Variants in SMG6 observed in about 807,000 individuals in gnomAD.
SMG6 encodes SMG6 nonsense mediated mRNA decay factor.
A neutral mutation model predicts 142.2 loss-of-function variants in SMG6; 66 were observed. That is an observed-to-expected ratio of 0.46 (90% confidence interval 0.38 to 0.57). The LOEUF (loss-of-function observed/expected upper bound fraction) is 0.57, where lower values mean the gene tolerates loss of function less well. Ranked by LOEUF, SMG6 falls within the 20% of genes least tolerant of loss-of-function variation. The pLI, the probability that SMG6 is intolerant of heterozygous loss-of-function variation, is 0.00. For missense variants in SMG6, 1,793 were observed against 1,832.0 expected, an observed-to-expected ratio of 0.98 and a Z score of 0.39; for synonymous variants, 779 against 702.4, an observed-to-expected ratio of 1.11 and a Z score of -1.72.
chr17:2,234,652 T>A (rs904206092), intron 10 of SMG6, among the ~76,000 whole-genome samples: 1 of 152,150 alleles, frequency 6.6e-6, no homozygotes, highest in Non-Finnish European at 1.5e-5. Flanking sequence ...TTCCTTTCCA[T>A]GGAATAGAAG....
At chr17:2,285,229 T>A (rs1213897938) in intron 6 of SMG6, among the ~76,000 whole-genome samples, 1 of 152,220 alleles carries the variant, frequency 6.6e-6, no homozygotes, top group African/African-American at 2.4e-5. Context: ...GTACACGTGT[T>A]GTGTTCTCAA....
intron 8 of SMG6, among the ~76,000 whole-genome samples, chr17:2,267,248 A>G (rs2074440421): frequency 6.6e-6 from 1 of 152,196 alleles, no homozygotes; most frequent in African/African-American, 2.4e-5. Context: ...TCTGTAACCC[A>G]GGCTGGAGTG....
chr17:2,290,275 A>C (rs1490636686), intron 6 of SMG6, among the ~76,000 whole-genome samples: 1 of 152,224 alleles, frequency 6.6e-6, no homozygotes, highest in Non-Finnish European at 1.5e-5. Context: ...AGAACAGAGA[A>C]ATAGATGAAC....
intron 13 of SMG6, chr17:2,088,197 T>C (rs374102742): frequency 1.0e-5 from 10 of 985,288 alleles, no homozygotes; most frequent in Non-Finnish European, 1.1e-5. Context: ...GGAGTGTTGC[T>C]GCTGCTAGAG....
At chr17:2,067,979 C>T (rs751822642) in intron 16 of SMG6, among the ~76,000 whole-genome samples, 4 of 152,150 alleles carry the variant, frequency 2.6e-5, no homozygotes, top group East Asian at 1.9e-4. Context: ...GATGTGCAAA[C>T]GCCTGGGCCT....
intron 4 of SMG6, among the ~76,000 whole-genome samples, chr17:2,293,184 C>T (rs2075076578): frequency 6.6e-6 from 1 of 152,092 alleles, no homozygotes; most frequent in African/African-American, 2.4e-5. Context: ...ACCAAAAAAA[C>T]AGTCAGCAGT....
intron 18 of SMG6, 48 bp downstream of exon 18, chr17:2,065,025 G>C (rs1166655145): frequency 1.4e-6 from 2 of 1,445,446 alleles, no homozygotes; most frequent in South Asian, 1.2e-5. Context: ...GGTAGGATGA[G>C]GTAGGGCAGT....
chr17:2,149,867 T>TTA (rs2070774860), intron 13 of SMG6, among the ~76,000 whole-genome samples: 1 of 152,236 alleles, frequency 6.6e-6, no homozygotes, highest in Non-Finnish European at 1.5e-5. Context: ...TCCACAGGAC[T>TTA]TTAATGTTTC....
intron 13 of SMG6, among the ~76,000 whole-genome samples, chr17:2,116,480 T>C (rs1426095989): frequency 6.6e-6 from 1 of 152,122 alleles, no homozygotes; most frequent in African/African-American, 2.4e-5. Flanking sequence ...TCCCAGCACT[T>C]TGGGAGGCTG....
At chr17:2,283,856 C>T (rs1029300729) in intron 6 of SMG6, 121 bp from the exon 7 acceptor site, 2 of 693,802 alleles carry the variant, frequency 2.9e-6, no homozygotes, top group Admixed American at 4.9e-5. Context: ...AGAGGAATCC[C>T]AACAACAAAA....
At chr17:2,114,509 ACAACTGATGTT>A (rs1055697916) in intron 13 of SMG6, among the ~76,000 whole-genome samples, 22 of 152,310 alleles carry the variant, frequency 1.4e-4, no homozygotes, top group African/African-American at 5.1e-4. Context: ...GAGAAAAAGG[ACAACTGATGTT>A]CAACCCTTTT....
intron 8 of SMG6, among the ~76,000 whole-genome samples, chr17:2,278,343 C>T (rs372379803): frequency 6.6e-6 from 1 of 151,968 alleles, no homozygotes; most frequent in African/African-American, 2.4e-5. Flanking sequence ...GCTGGGATTA[C>T]AGGCAGACAC....
intron 8 of SMG6, among the ~76,000 whole-genome samples, chr17:2,279,897 G>A (rs889018278): frequency 2.6e-4 from 39 of 151,882 alleles, no homozygotes; most frequent in African/African-American, 8.2e-4. Context: ...ATGCGGCCTC[G>A]CCCCAGCCTT....
intron 2 of SMG6, among the ~76,000 whole-genome samples, chr17:2,298,673 G>A (rs1489708123): frequency 1.3e-5 from 2 of 150,798 alleles, no homozygotes; most frequent in Admixed American, 6.6e-5. Flanking sequence ...AGCCAAGATC[G>A]TGCCACTGCA....
chr17:2,105,902 G>A (rs762810595), intron 13 of SMG6, among the ~76,000 whole-genome samples: 1 of 152,164 alleles, frequency 6.6e-6, no homozygotes, highest in Non-Finnish European at 1.5e-5. Context: ...CCACAGCCTT[G>A]AACTTTTCTA....
chr17:2,086,916 T>C (rs1369269164), intron 13 of SMG6, among the ~76,000 whole-genome samples: 1 of 152,114 alleles, frequency 6.6e-6, no homozygotes, highest in African/African-American at 2.4e-5. Context: ...CCATTCCACA[T>C]GGGAAACACA....
At chr17:2,144,077 A>G (rs1395751428) in intron 13 of SMG6, among the ~76,000 whole-genome samples, 2 of 62,162 alleles carry the variant, frequency 3.2e-5, no homozygotes, top group East Asian at 6.6e-4. Context: ...TTTTTTTTTG[A>G]GATGCAGTTT....
intron 13 of SMG6, among the ~76,000 whole-genome samples, chr17:2,114,050 C>T (rs2069422724): frequency 6.6e-6 from 1 of 152,036 alleles, no homozygotes; most frequent in Non-Finnish European, 1.5e-5. Context: ...GGCGGATCAC[C>T]TGAGGTCAGG....
chr17:2,253,389 C>T (rs1388527247), intron 8 of SMG6, among the ~76,000 whole-genome samples: 6 of 152,018 alleles, frequency 3.9e-5, no homozygotes, highest in East Asian at 1.9e-4. Context: ...CTGATCCGCC[C>T]GCCTCGGTCT....
Sources: gnomAD v4.1 joint callset for allele counts (sites outside exome capture counted in the v4.1 genomes callset) on GRCh38, gnomAD v4.1.1 for gene constraint, MANE v1.5 for transcripts, NCBI Gene and HGNC (gene_info 2026-07-23, HGNC 2026-07-21) for gene names.